The following NINL variants were observed in gnomAD, a reference collection of about 807,000 sequenced individuals.
NINL encodes the protein ninein-like protein.
In NINL, 153 loss-of-function variants were observed where a neutral mutation model predicts 160.3. The observed-to-expected ratio is 0.95, with a 90% CI of 0.84 to 1.09. NINL has a LOEUF of 1.09. Among genes scored for constraint, NINL ranks in the 50% least tolerant of loss-of-function variants. The probability of loss-of-function intolerance (pLI) is 0.00; values close to 1 mark genes in which losing one functional copy is unlikely to be tolerated. For synonymous variants in NINL, 800 were observed against 734.8 expected (o/e 1.09, Z -1.43); for missense variants, 1,829 against 1,764.0 (o/e 1.04, Z -0.66).
intron 1 of NINL, among the ~76,000 whole-genome samples, chr20:25,546,340 C>G (rs1291511919): frequency 2.0e-5 from 3 of 152,096 alleles, no homozygotes; most frequent in African/African-American, 7.2e-5. Context: ...TTATTCAATC[C>G]AAGCTTTCGT....
intron 1 of NINL, among the ~76,000 whole-genome samples, chr20:25,555,628 G>A (rs1012927815): frequency 6.6e-6 from 1 of 152,138 alleles, no homozygotes; most frequent in African/African-American, 2.4e-5. Context: ...CACTTTGGGA[G>A]GCCAAGGTAG....
chr20:25,453,656 G>A lies in NINL; in HGVS notation c.3958-14C>T, dbSNP rs747128057. 6.3e-7 allele frequency: 1 copy of A among 1,587,894 alleles called. No individual in the cohort carries two copies. Among genetic ancestry groups the A allele is most frequent in the Non-Finnish European group, 8.6e-7 (1 of 1,166,126 alleles). On this transcript the variant is annotated splice_polypyrimidine_tract_variant and intron_variant, in intron 23 of 23. Coordinates refer to ENST00000278886, the MANE Select transcript of NINL (RefSeq NM_025176.6). ...GTTCTTTTCAAACTAGAGAGGGGAG[G>A]AAGCCATGCTTTGCATGAGGCCGGT... is the stretch of plus-strand genomic sequence containing the variant.
intron 9 of NINL, among the ~76,000 whole-genome samples, chr20:25,497,390 C>T (rs1288768030): frequency 1.3e-5 from 2 of 152,236 alleles, no homozygotes; most frequent in African/African-American, 2.4e-5. Flanking sequence ...GCTTTTCTCC[C>T]TCCCTGTCCC....
At chr20:25,460,754 C>T (rs2062763162) in intron 21 of NINL, among the ~76,000 whole-genome samples, 1 of 152,252 alleles carries the variant, frequency 6.6e-6, no homozygotes, top group African/African-American at 2.4e-5. Flanking sequence ...CTGCACAGGG[C>T]GCCAGGGCCA....
At chr20:25,538,110 C>T (rs1023178783) in intron 1 of NINL, among the ~76,000 whole-genome samples, 3 of 152,152 alleles carry the variant, frequency 2.0e-5, no homozygotes, top group African/African-American at 7.2e-5. Flanking sequence ...CATCCCAACC[C>T]CGCAACGCCA....
chr20:25,479,994 T>C (rs970889458), intron 15 of NINL, among the ~76,000 whole-genome samples, 167 bp downstream of exon 15: 2 of 152,212 alleles, frequency 1.3e-5, no homozygotes, highest in African/African-American at 2.4e-5. Context: ...TTGGGCAGCA[T>C]GTCAGTTTTA....
intron 5 of NINL, among the ~76,000 whole-genome samples, chr20:25,506,460 G>A (rs1313146533): frequency 2.6e-5 from 4 of 152,196 alleles, no homozygotes; most frequent in Non-Finnish European, 5.9e-5. Flanking sequence ...TACGGCTGAA[G>A]TGTTTAGAAG....
At chr20:25,501,087 C>T (rs1169681525) in intron 7 of NINL, 77 bp from the exon 8 acceptor site, 10 of 1,505,238 alleles carry the variant, frequency 6.6e-6, no homozygotes, top group Non-Finnish European at 8.9e-6. Context: ...GCTCTCCACC[C>T]TCCCCAGCCT....
At chr20:25,517,605 T>G (rs950847700) in intron 3 of NINL, 148 bp downstream of exon 3, 5 of 616,850 alleles carry the variant, frequency 8.1e-6, no homozygotes, top group Non-Finnish European at 1.4e-5. Context: ...AAACATCAAG[T>G]GTTTTTTCCA....
intron 22 of NINL, 27 bp downstream of exon 22, chr20:25,458,356 G>A: frequency 6.2e-7 from 1 of 1,603,490 alleles, no homozygotes; most frequent in Non-Finnish European, 8.5e-7. Flanking sequence ...CATCTCGTCA[G>A]CCATCTCTCG....
intron 17 of NINL, among the ~76,000 whole-genome samples, chr20:25,472,231 A>G (rs2063110636): frequency 6.6e-6 from 1 of 151,300 alleles, no homozygotes; most frequent in Admixed American, 6.6e-5. Context: ...TGTGATACAG[A>G]CAGAAGATGG....
chr20:25,482,746 G>A (rs6037125), intron 13 of NINL, among the ~76,000 whole-genome samples: 67,898 of 151,120 alleles, frequency 0.45, 15,931 homozygotes, highest in East Asian at 0.92. Context: ...GAGTATGGCC[G>A]GGCATGGTGG....
chr20:25,505,088 G>C lies in NINL; in HGVS notation c.518-10C>G, dbSNP rs1488347498. 6.4e-7 allele frequency: 1 copy of C among 1,563,974 alleles called. No individual in the cohort carries two copies. The highest frequency in any genetic ancestry group is 8.7e-7 in the Non-Finnish European group (1 of 1,155,084). ...CAGGTCTGCAGCTGTCCTGAAGCAA[G>C]GGAGGAGTCACAGTTACACCCTGAT... On this transcript the variant is annotated splice_polypyrimidine_tract_variant and intron_variant, in intron 5 of 23. Coordinates refer to ENST00000278886, the MANE Select transcript of NINL (RefSeq NM_025176.6).
intron 17 of NINL, among the ~76,000 whole-genome samples, chr20:25,475,252 A>G (rs970985724): frequency 6.6e-6 from 1 of 151,874 alleles, no homozygotes; most frequent in Middle Eastern, 3.2e-3. Flanking sequence ...CTGTCTCAAA[A>G]AAAACAAAAA....
chr20:25,512,338 G>A (rs1271137700), intron 4 of NINL, among the ~76,000 whole-genome samples: 8 of 152,154 alleles, frequency 5.3e-5, no homozygotes, highest in East Asian at 1.9e-4. Flanking sequence ...GCACATTGAC[G>A]CTTCACTCCC....
intron 19 of NINL, among the ~76,000 whole-genome samples, chr20:25,463,412 T>C (rs1236230544): frequency 6.6e-6 from 1 of 152,244 alleles, no homozygotes; most frequent in African/African-American, 2.4e-5. Context: ...GCGTAGCTCT[T>C]GGCAGGGTAC....
At chr20:25,551,301 G>C (rs1005472560) in intron 1 of NINL, among the ~76,000 whole-genome samples, 1 of 152,106 alleles carries the variant, frequency 6.6e-6, no homozygotes, top group Middle Eastern at 3.4e-3. Context: ...CATAGACACA[G>C]TAACAGTCTG....
chr20:25,544,739 A>G (rs569962567), intron 1 of NINL, among the ~76,000 whole-genome samples: 22 of 152,360 alleles, frequency 1.4e-4, no homozygotes, highest in African/African-American at 5.3e-4. Flanking sequence ...AGCAGCCACA[A>G]AAAGGTTTTT....
chr20:25,535,143 C>T (rs567864767), intron 1 of NINL, among the ~76,000 whole-genome samples: 3 of 152,252 alleles, frequency 2.0e-5, no homozygotes, highest in East Asian at 1.9e-4. Context: ...AGGACATTAA[C>T]GCTAAGTGAA....
Sources: gnomAD v4.1 joint callset for allele counts (sites outside exome capture counted in the v4.1 genomes callset) on GRCh38, gnomAD v4.1.1 for gene constraint, MANE v1.5 for transcripts, NCBI Gene and HGNC (gene_info 2026-07-23, HGNC 2026-07-21) for gene names.